The following AP3B1 variants were observed in gnomAD, a reference collection of about 807,000 sequenced individuals.
AP3B1 encodes AP-3 complex subunit beta-1.
Under a neutral mutation model 132.5 loss-of-function variants are expected in AP3B1, and 61 were observed. That is an observed-to-expected ratio of 0.46 (90% CI 0.37 to 0.57). AP3B1 has a LOEUF of 0.57. Among genes scored for constraint, AP3B1 ranks in the 20% least tolerant of loss-of-function variants. The probability of loss-of-function intolerance (pLI) is 0.00; values close to 1 mark genes in which losing one functional copy is unlikely to be tolerated. For missense variants in AP3B1, 1,120 were observed against 1,289.4 expected (o/e 0.87, Z 2.01); for synonymous variants, 388 against 438.3 (o/e 0.89, Z 1.43).
intron 2 of AP3B1, among the ~76,000 whole-genome samples, chr5:78,255,155 C>A (rs1747799288): frequency 6.6e-6 from 1 of 151,126 alleles, no homozygotes; most frequent in Admixed American, 6.6e-5. Flanking sequence ...AATCCCTTCA[C>A]TAGAAGACAG....
chr5:78,249,102 C>T (rs1031477812), intron 2 of AP3B1, among the ~76,000 whole-genome samples: 18 of 152,126 alleles, frequency 1.2e-4, no homozygotes, highest in Admixed American at 1.2e-3. Context: ...TGTCTGTAAT[C>T]CCAGCACTTT....
At chr5:78,094,490 A>C (rs1054156594) in intron 21 of AP3B1, among the ~76,000 whole-genome samples, 1 of 152,228 alleles carries the variant, frequency 6.6e-6, no homozygotes, top group Non-Finnish European at 1.5e-5. Context: ...CTCAACAGAT[A>C]TAATAGAGAA....
intron 14 of AP3B1, among the ~76,000 whole-genome samples, chr5:78,143,709 A>G (rs1753254277): frequency 6.6e-6 from 1 of 152,196 alleles, no homozygotes; most frequent in Non-Finnish European, 1.5e-5. Context: ...AAAGGCAAGT[A>G]AGAAAATTAG....
chr5:78,246,985 C>T (rs912739895), intron 2 of AP3B1, among the ~76,000 whole-genome samples: 44 of 152,098 alleles, frequency 2.9e-4, no homozygotes, highest in African/African-American at 1.0e-3. Flanking sequence ...TACTGTTTTA[C>T]CTAAATCCTC....
At chr5:78,018,667 G>A (rs1403572362) in intron 25 of AP3B1, among the ~76,000 whole-genome samples, 1 of 134,126 alleles carries the variant, frequency 7.5e-6, no homozygotes, top group Non-Finnish European at 1.6e-5. Flanking sequence ...GTTAAAGCTG[G>A]TGTAACACAC....
At chr5:78,079,459 A>T (rs1474334728) in intron 22 of AP3B1, among the ~76,000 whole-genome samples, 1 of 152,224 alleles carries the variant, frequency 6.6e-6, no homozygotes, top group African/African-American at 2.4e-5. Context: ...ATAAGATTTT[A>T]CAGGACATAT....
intron 7 of AP3B1, among the ~76,000 whole-genome samples, chr5:78,191,577 A>C (rs1169736593): frequency 6.6e-6 from 1 of 152,188 alleles, no homozygotes; most frequent in Non-Finnish European, 1.5e-5. Flanking sequence ...AGCCCAGCTT[A>C]AATCATCTCA....
intron 1 of AP3B1, among the ~76,000 whole-genome samples, chr5:78,275,248 T>C (rs1207035703): frequency 6.6e-6 from 1 of 152,112 alleles, no homozygotes; most frequent in East Asian, 1.9e-4. Context: ...CAACATAGAA[T>C]TCCATACCCA....
At chr5:78,221,190 T>C (rs947048339) in intron 6 of AP3B1, among the ~76,000 whole-genome samples, 1 of 152,188 alleles carries the variant, frequency 6.6e-6, no homozygotes, top group African/African-American at 2.4e-5. Flanking sequence ...TACTTTGTAA[T>C]TCTAACAGAG....
At position 78,125,585 on chromosome 5, in the gene AP3B1, A is replaced by G. The variant is rs115671204; in HGVS notation, c.1968+2445T>C. ...ATTTAAAAAGAAAACTATCTACGTT[A>G]TTTTTATATTTAATTGTGTCCCTCA... On this transcript the variant is annotated intron_variant, in intron 17 of 26. Transcript: ENST00000255194. 4.7e-3 allele frequency among the ~76,000 whole-genome samples: 722 copies of G among 152,228 alleles called. 4 individuals carry two copies. Among genetic ancestry groups the G allele is most frequent in the African/African-American group, 0.016 (672 of 41,556 alleles).
chr5:78,053,678 C>CAAA (rs1166305470), intron 22 of AP3B1, among the ~76,000 whole-genome samples: 2 of 75,566 alleles, frequency 2.6e-5, no homozygotes, highest in Non-Finnish European at 2.5e-5. Flanking sequence ...GACTCCATCT[C>CAAA]AAAAAAAAAA....
At chr5:78,277,731 T>G (rs1748843681) in intron 1 of AP3B1, among the ~76,000 whole-genome samples, 1 of 152,194 alleles carries the variant, frequency 6.6e-6, no homozygotes, top group African/African-American at 2.4e-5. Context: ...TAAACATTAG[T>G]TGAAAAAACA....
At chr5:78,043,969 C>G in intron 22 of AP3B1, 1 of 310,500 alleles carries the variant, frequency 3.2e-6, no homozygotes, top group South Asian at 3.5e-5. Context: ...GTTTGTCAGG[C>G]TCTTACAGGA....
intron 11 of AP3B1, among the ~76,000 whole-genome samples, chr5:78,175,118 A>G (rs1744093399): frequency 6.6e-6 from 1 of 152,242 alleles, no homozygotes; most frequent in African/African-American, 2.4e-5. Context: ...TTCCAGGTAC[A>G]GTCTGTCCCG....
At chr5:78,048,919 C>G (rs402883) in intron 22 of AP3B1, among the ~76,000 whole-genome samples, 40,037 of 152,050 alleles carry the variant, frequency 0.26, 5,845 homozygotes, top group Admixed American at 0.4. Flanking sequence ...AGAATGCCCC[C>G]TTCCCCCACT....
intron 22 of AP3B1, among the ~76,000 whole-genome samples, chr5:78,075,606 C>A (rs1028641757): frequency 3.9e-5 from 6 of 152,176 alleles, no homozygotes; most frequent in South Asian, 2.1e-4. Flanking sequence ...TGATAAGGAA[C>A]CTGATAGGAC....
chr5:78,054,793 G>T (rs760845524), intron 22 of AP3B1, among the ~76,000 whole-genome samples: 9 of 152,146 alleles, frequency 5.9e-5, no homozygotes, highest in Non-Finnish European at 8.8e-5. Context: ...GATAAGGAAA[G>T]AAGTATGTCT....
intron 1 of AP3B1, among the ~76,000 whole-genome samples, chr5:78,277,398 A>G (rs1345683797): frequency 6.6e-6 from 1 of 152,140 alleles, no homozygotes; most frequent in Admixed American, 6.6e-5. Flanking sequence ...AAAAAAGGAG[A>G]AGGGAGGGAA....
chr5:78,194,023 T>C (rs892917138), intron 7 of AP3B1, among the ~76,000 whole-genome samples: 5 of 151,858 alleles, frequency 3.3e-5, no homozygotes, highest in Admixed American at 6.6e-5. Flanking sequence ...CACCTCAGCC[T>C]CCCAAAGTGC....
Sources: gnomAD v4.1 joint callset for allele counts (sites outside exome capture counted in the v4.1 genomes callset) on GRCh38, gnomAD v4.1.1 for gene constraint, MANE v1.5 for transcripts, NCBI Gene and HGNC (gene_info 2026-07-23, HGNC 2026-07-21) for gene names.